The following GRK7 variants were observed in gnomAD, a reference collection of about 807,000 sequenced individuals.
GRK7 encodes the protein G protein-coupled receptor kinase 7.
In GRK7, 24 loss-of-function variants were observed where a neutral mutation model predicts 34.1. The ratio of observed to expected loss-of-function variants is 0.70; its 90% confidence interval spans 0.51 to 0.99. The LOEUF (loss-of-function observed/expected upper bound fraction) is 0.99. Among genes scored for constraint, GRK7 ranks in the 50% least tolerant of loss-of-function variants. The pLI is 0.00. For synonymous variants in GRK7, 256 were observed against 279.4 expected (o/e 0.92, Z 0.84); for missense variants, 644 against 707.3 (o/e 0.91, Z 1.02).
At chr3:141,796,421 T>C (rs368914517) in intron 4 of GRK7, among the ~76,000 whole-genome samples, 4 of 152,158 alleles carry the variant, frequency 2.6e-5, no homozygotes, top group South Asian at 4.1e-4. Context: ...CAAGAAATGA[T>C]TGTACAAGAA....
intron 1 of GRK7, among the ~76,000 whole-genome samples, chr3:141,769,543 A>T (rs947802857): frequency 6.6e-6 from 1 of 152,254 alleles, no homozygotes; most frequent in African/African-American, 2.4e-5. Context: ...AGGATGGCTT[A>T]ACTGATAATG....
At chr3:141,790,458 A>G (rs2084718870) in intron 4 of GRK7, among the ~76,000 whole-genome samples, 1 of 152,214 alleles carries the variant, frequency 6.6e-6, no homozygotes, top group Admixed American at 6.5e-5. Context: ...TCAGAAAAGG[A>G]TCAGCCCCAC....
At chr3:141,757,302 G>A in the GRK7 span, among the ~76,000 whole-genome samples, 34 of 130,330 alleles carry the variant, frequency 2.6e-4, no homozygotes, top group African/African-American at 7.5e-4. Flanking sequence ...ATCCCTCCCC[G>A]CTCCCCCCAC....
In GRK7 at chr3:141,765,708, C is replaced by T. The variant is rs548458396; in HGVS notation, c.-245C>T. Among the ~76,000 whole-genome samples the T allele has an allele frequency of 6.6e-6, 1 of 152,114 alleles. No homozygotes were observed. The highest frequency in any genetic ancestry group is 2.4e-5 in the African/African-American group (1 of 41,418). ...TGAGCTCAGCCACCCACCGATCCCC[C>T]AGCTGAATGCAACCATAAGAGTGAG... is the stretch of plus-strand genomic sequence containing the variant. On this transcript the variant is annotated 5_prime_UTR_variant, in exon 1 of 6. Coordinates refer to ENST00000682958, the MANE Select transcript of GRK7 (RefSeq NM_139209.3).
At chr3:141,793,676 G>C (rs1577920299) in intron 4 of GRK7, among the ~76,000 whole-genome samples, 2 of 152,284 alleles carry the variant, frequency 1.3e-5, no homozygotes, top group Admixed American at 1.3e-4. Flanking sequence ...CTGCCAGAAG[G>C]GGGCGGAAGC....
chr3:141,798,154 AAT>A (rs1710914588), intron 4 of GRK7, among the ~76,000 whole-genome samples: 1 of 152,150 alleles, frequency 6.6e-6, no homozygotes. Context: ...TTGGGATCTT[AAT>A]CACACCTTAA....
intron 1 of GRK7, among the ~76,000 whole-genome samples, chr3:141,765,949 C>G (rs1044855222): frequency 2.0e-5 from 3 of 152,140 alleles, no homozygotes. Context: ...TTAAGTGTCA[C>G]CAGCTGAATC....
intron 2 of GRK7, among the ~76,000 whole-genome samples, chr3:141,776,282 G>A (rs924193228): frequency 1.2e-4 from 7 of 57,866 alleles, no homozygotes; most frequent in Middle Eastern, 0.013. Context: ...GCGAGACTCC[G>A]TCTCAAAATA....
chr3:141,789,124 A>G (rs1434056135), intron 4 of GRK7, among the ~76,000 whole-genome samples: 1 of 152,188 alleles, frequency 6.6e-6, no homozygotes, highest in East Asian at 1.9e-4. Context: ...CTAGGAGGAA[A>G]GAAGTTTTAA....
At chr3:141,770,111 C>T (rs567221750) in intron 1 of GRK7, among the ~76,000 whole-genome samples, 1 of 152,262 alleles carries the variant, frequency 6.6e-6, no homozygotes, top group South Asian at 2.1e-4. Flanking sequence ...GACGGGGTTT[C>T]ACCACGTTGG....
rs1711050478 is a variant in GRK7 at position 141,807,735 on chromosome 3, A to C, written c.1141A>C (p.Ile381Leu). 1 of 1,614,138 alleles carries C rather than the reference A, an allele frequency of 6.2e-7. No individual in the cohort carries two copies. Among genetic ancestry groups the C allele is most frequent in the Non-Finnish European group, 8.5e-7 (1 of 1,179,930 alleles). The stretch of plus-strand genomic sequence containing the variant: ...GGACTGGTTTGCCATGGGATGCAGC[A>C]TTTATGAAATGGTTGCTGGACGAAC... The part of the protein sequence containing the change: ...PVDWFAMGCS[I>L]YEMVAGRTPF... The change falls in exon 5 of 6, where the codon ATT becomes CTT. Residue 381 changes from isoleucine to leucine, a missense_variant. Coordinates refer to ENST00000682958, the MANE Select transcript of GRK7 (RefSeq NM_139209.3).
rs989560849 is a variant in GRK7 at position 141,764,964 on chromosome 3, C to G, written c.-989C>G. ...ATCTTCCCCCTCCCCTGATTTCTCA[C>G]CAGGGTTACTGCAGCAGCCTCCAGA... is the stretch of plus-strand genomic sequence containing the variant. On this transcript the variant is annotated 5_prime_UTR_variant, in exon 1 of 6. Transcript: ENST00000682958. Among the ~76,000 whole-genome samples the G allele has an allele frequency of 6.6e-6, 1 of 152,196 alleles. No homozygotes were observed. Among genetic ancestry groups the G allele is most frequent in the East Asian group, 1.9e-4 (1 of 5,200 alleles).
At position 141,807,617 on chromosome 3, in the gene GRK7, G is replaced by T. The variant is rs751868148; in HGVS notation, c.1051-28G>T. 10 of 1,604,986 alleles carry T rather than the reference G, an allele frequency of 6.2e-6. No homozygotes were observed. In the African/African-American group the frequency reaches 1.3e-4, roughly 22 times the overall value. ...CACCTTAGTGTCTTTGTTCTGTGTT[G>T]TCTTGTTTTTTGTTTGGGATGTTAC... On this transcript the variant is annotated intron_variant, in intron 4 of 5. Coordinates refer to ENST00000682958, the MANE Select transcript of GRK7 (RefSeq NM_139209.3).
At chr3:141,754,345 C>T in the GRK7 span, among the ~76,000 whole-genome samples, 1 of 151,734 alleles carries the variant, frequency 6.6e-6, no homozygotes, top group East Asian at 1.9e-4. Flanking sequence ...AGACAGGCCT[C>T]ATATTTATGT....
intron 4 of GRK7, among the ~76,000 whole-genome samples, chr3:141,791,733 G>A (rs751159337): frequency 7.2e-5 from 11 of 152,162 alleles, no homozygotes; most frequent in Admixed American, 1.3e-4. Flanking sequence ...GCCAGGTGCC[G>A]TGGCTCATGC....
At chr3:141,774,119 A>G (rs2084628291) in intron 1 of GRK7, among the ~76,000 whole-genome samples, 1 of 152,154 alleles carries the variant, frequency 6.6e-6, no homozygotes, top group African/African-American at 2.4e-5. Context: ...AAATCTCTGG[A>G]TCCTATTGTT....
At chr3:141,767,772 G>A (rs2084596369) in intron 1 of GRK7, among the ~76,000 whole-genome samples, 4 of 152,142 alleles carry the variant, frequency 2.6e-5, no homozygotes. Context: ...TCTCCTTTGT[G>A]TGTCACACTA....
chr3:141,785,708 G>A (rs144833632), intron 4 of GRK7, among the ~76,000 whole-genome samples: 1,617 of 151,708 alleles, frequency 0.011, 28 homozygotes, highest in African/African-American at 0.037. Context: ...AGGTTTTAGT[G>A]AGCCAAGATC....
At chr3:141,757,365 C>T in the GRK7 span, among the ~76,000 whole-genome samples, 1 of 140,870 alleles carries the variant, frequency 7.1e-6, no homozygotes, top group Non-Finnish European at 1.5e-5. Context: ...CATGTGATCT[C>T]ATTGTTCAAT....
Sources: allele counts gnomAD v4.1 joint callset (sites outside exome capture counted in the v4.1 genomes callset), GRCh38; gene constraint gnomAD v4.1.1; transcripts MANE v1.5; gene names NCBI Gene and HGNC (gene_info 2026-07-23, HGNC 2026-07-21).